The following CACNB2 variants were observed in gnomAD, a reference collection of about 807,000 sequenced individuals.
CACNB2 encodes the protein calcium voltage-gated channel auxiliary subunit beta 2.
A neutral mutation model predicts 73.3 loss-of-function variants in CACNB2; 42 were observed. That is an observed-to-expected ratio of 0.57 (90% CI 0.45 to 0.74). The LOEUF (loss-of-function observed/expected upper bound fraction) is 0.74, where lower values mean the gene tolerates loss of function less well. Ranked by LOEUF, CACNB2 falls within the 30% of genes least tolerant of loss-of-function variation. The pLI, the probability that CACNB2 is intolerant of heterozygous loss-of-function variation, is 0.00. For synonymous variants in CACNB2, 348 were observed against 310.3 expected (o/e 1.12, Z -1.28); for missense variants, 940 against 853.0 (o/e 1.10, Z -1.27).
At chr10:18,504,408 C>G (rs1294660276) in intron 5 of CACNB2, among the ~76,000 whole-genome samples, 1 of 145,446 alleles carries the variant, frequency 6.9e-6, no homozygotes, top group African/African-American at 2.6e-5. Context: ...TTATTATTTA[C>G]TTTATTAGAT....
rs2043993679 is a variant in CACNB2, at chr10:18,401,484, AT to A, written c.214-436del. Among the ~76,000 whole-genome samples, 4 of 152,206 alleles carry A rather than the reference AT, an allele frequency of 2.6e-5. No individual in the cohort carries two copies. In the South Asian group the frequency reaches 8.3e-4, roughly 32 times the overall value. ...GTGGGAATCATGTCATGGTAGTGAC[AT>A]TTTGGAGAGTTCAAGTTTATAACTC... On this transcript the variant is annotated intron_variant, in intron 2 of 13. Coordinates refer to ENST00000324631, the MANE Select transcript of CACNB2 (RefSeq NM_201596.3).
intron 2 of CACNB2, among the ~76,000 whole-genome samples, chr10:18,167,989 A>G (rs2032972342): frequency 6.6e-6 from 1 of 152,142 alleles, no homozygotes; most frequent in Non-Finnish European, 1.5e-5. Flanking sequence ...TTGGTGTGGA[A>G]ATTCTGGTGA....
intron 3 of CACNB2, among the ~76,000 whole-genome samples, chr10:18,469,205 A>AC (rs2048053697): frequency 1.3e-5 from 2 of 152,050 alleles, no homozygotes; most frequent in Admixed American, 1.3e-4. Context: ...GCACCACTGC[A>AC]CTCCAGCCTG....
At chr10:18,340,906 C>T (rs745906390) in intron 2 of CACNB2, 25 of 1,613,912 alleles carry the variant, frequency 1.5e-5, no homozygotes, top group South Asian at 5.5e-5. Context: ...GAGTGCTGGG[C>T]GCACTTGGAA....
chr10:18,252,711 A>G (rs537572452), intron 2 of CACNB2, among the ~76,000 whole-genome samples: 1 of 152,364 alleles, frequency 6.6e-6, no homozygotes, highest in Non-Finnish European at 1.5e-5. Flanking sequence ...AGAGAGGTTT[A>G]ATTTTTATAA....
intron 3 of CACNB2, among the ~76,000 whole-genome samples, chr10:18,456,385 C>T (rs914196704): frequency 1.3e-5 from 2 of 152,118 alleles, no homozygotes; most frequent in African/African-American, 4.8e-5. Context: ...ATCACTTGAA[C>T]CTGGGAGGCG....
intron 2 of CACNB2, among the ~76,000 whole-genome samples, chr10:18,327,802 T>C (rs1297593154): frequency 6.6e-6 from 1 of 152,134 alleles, no homozygotes; most frequent in Non-Finnish European, 1.5e-5. Context: ...AGTATCCGAC[T>C]AACCTCTTCT....
chr10:18,264,329 A>T (rs1018352844), intron 2 of CACNB2, among the ~76,000 whole-genome samples: 1 of 152,210 alleles, frequency 6.6e-6, no homozygotes, highest in African/African-American at 2.4e-5. Context: ...AAACAATCCA[A>T]TTATACCCTT....
At chr10:18,175,079 T>C (rs1362205142) in intron 2 of CACNB2, among the ~76,000 whole-genome samples, 2 of 152,206 alleles carry the variant, frequency 1.3e-5, no homozygotes, top group Non-Finnish European at 2.9e-5. Flanking sequence ...CTGACGAGAA[T>C]TGACCTCTCT....
chr10:18,481,192 C>CCATATA (rs1228539443), intron 3 of CACNB2, among the ~76,000 whole-genome samples: 6 of 36,702 alleles, frequency 1.6e-4, no homozygotes, highest in East Asian at 1.3e-3. Context: ...TACATCTTCG[C>CCATATA]TATATATATA....
intron 2 of CACNB2, among the ~76,000 whole-genome samples, chr10:18,198,914 A>G (rs776926157): frequency 2.8e-4 from 42 of 152,314 alleles, no homozygotes; most frequent in South Asian, 6.2e-4. Context: ...AAATTCACTC[A>G]TTAATATAGC....
At chr10:18,159,915 T>C (rs2032333764) in intron 2 of CACNB2, among the ~76,000 whole-genome samples, 1 of 152,214 alleles carries the variant, frequency 6.6e-6, no homozygotes, top group African/African-American at 2.4e-5. Context: ...TATCTTATTA[T>C]GGAGTCACTT....
chr10:18,469,630 C>T (rs1033171393), intron 3 of CACNB2, among the ~76,000 whole-genome samples: 3 of 152,140 alleles, frequency 2.0e-5, no homozygotes, highest in Non-Finnish European at 2.9e-5. Context: ...ACAAGTAGTT[C>T]GGTTCTAACC....
rs146016485 is a variant in CACNB2 at position 18,255,590 on chromosome 10, C to T, written c.213+104615C>T. On this transcript the variant is annotated intron_variant, in intron 2 of 13. Transcript: ENST00000324631. ...TTCCTACTGGTGCCCAGCAGAGACACGCACTTGATGAGCAGCACTCAGTTG... is the reference window on the plus strand; with the variant it reads ...TTCCTACTGGTGCCCAGCAGAGACATGCACTTGATGAGCAGCACTCAGTTG... Among the ~76,000 whole-genome samples the T allele has an allele frequency of 3.1e-3, 471 of 152,270 alleles. 1 individual carries two copies. The highest frequency in any genetic ancestry group is 0.011 in the African/African-American group (449 of 41,550).
chr10:18,228,259 A>T (rs2036079201), intron 2 of CACNB2, among the ~76,000 whole-genome samples: 1 of 151,990 alleles, frequency 6.6e-6, no homozygotes, highest in Non-Finnish European at 1.5e-5. Flanking sequence ...CCTTGTCTCT[A>T]CTAAAAAAAA....
chr10:18,527,353 G>A (rs1203258823), intron 9 of CACNB2, among the ~76,000 whole-genome samples: 1 of 151,778 alleles, frequency 6.6e-6, no homozygotes, highest in Non-Finnish European at 1.5e-5. Context: ...TGCAGCCTGG[G>A]CAGCCTGGGC....
At position 18,189,915 on chromosome 10, in the gene CACNB2, C is replaced by T. The variant is rs528239502; in HGVS notation, c.213+38940C>T. 5.3e-5 allele frequency among the ~76,000 whole-genome samples: 8 copies of T among 152,264 alleles called. No individual in the cohort carries two copies. The East Asian group carries it at 1.4e-3, about 26-fold the overall frequency. ...AGTGATTGTTGGTTTTAAGTTGTTT[C>T]CCGACACCCTGGGCACCTTGAAGAT... On this transcript the variant is annotated intron_variant, in intron 2 of 13. Transcript: ENST00000324631.
intron 2 of CACNB2, among the ~76,000 whole-genome samples, chr10:18,159,314 C>T (rs1476294047): frequency 1.3e-5 from 2 of 152,182 alleles, no homozygotes; most frequent in South Asian, 2.1e-4. Flanking sequence ...TAGGTTGCTG[C>T]GTTGCACACT....
chr10:18,184,664 T>C (rs1373920307), intron 2 of CACNB2, among the ~76,000 whole-genome samples: 1 of 150,468 alleles, frequency 6.6e-6, no homozygotes, highest in Non-Finnish European at 1.5e-5. Flanking sequence ...TTTTTTTTTT[T>C]TTTTTTTTTT....
Sources: allele counts gnomAD v4.1 joint callset (sites outside exome capture counted in the v4.1 genomes callset), GRCh38; gene constraint gnomAD v4.1.1; transcripts MANE v1.5; gene names NCBI Gene and HGNC (gene_info 2026-07-23, HGNC 2026-07-21).